Variants in GADL1 observed in about 807,000 individuals in gnomAD.
The protein encoded by GADL1 is GAD like acidic amino acid decarboxylase 1.
In GADL1, 71 loss-of-function variants were observed where a neutral mutation model predicts 69.5. The observed-to-expected ratio is 1.02, with a 90% CI of 0.84 to 1.25. The LOEUF (loss-of-function observed/expected upper bound fraction) is 1.25, where lower values mean the gene tolerates loss of function less well. GADL1 is among the 50% of genes most tolerant of loss of function. The probability of loss-of-function intolerance (pLI) is 0.00; values close to 1 mark genes in which losing one functional copy is unlikely to be tolerated. For missense variants in GADL1, 737 were observed against 631.8 expected (o/e 1.17, Z -1.79); for synonymous variants, 254 against 214.4 (o/e 1.18, Z -1.62).
intron 1 of GADL1, among the ~76,000 whole-genome samples, chr3:30,890,546 G>A (rs756324302): frequency 4.6e-5 from 7 of 152,100 alleles, no homozygotes; most frequent in Admixed American, 1.3e-4. Context: ...TCTGAAAATC[G>A]CCTCCCTATG....
chr3:30,778,759 G>A (rs1696593968), intron 13 of GADL1: 1 of 152,802 alleles, frequency 6.5e-6, no homozygotes, highest in African/African-American at 2.4e-5. Flanking sequence ...TCACTAACCA[G>A]CACTACTATG....
chr3:30,752,630 G>A (rs1695853646), intron 14 of GADL1, among the ~76,000 whole-genome samples: 1 of 152,024 alleles, frequency 6.6e-6, no homozygotes, highest in South Asian at 2.1e-4. Flanking sequence ...CTTAAATATC[G>A]TTACAAGAAA....
At chr3:30,769,373 C>T (rs1016157000) in intron 14 of GADL1, among the ~76,000 whole-genome samples, 6 of 152,172 alleles carry the variant, frequency 3.9e-5, no homozygotes, top group Admixed American at 6.5e-5. Context: ...ATGTCTGGAA[C>T]GTATGCACAC....
chr3:30,759,001 C>A (rs1382104772), intron 14 of GADL1, among the ~76,000 whole-genome samples: 1 of 142,648 alleles, frequency 7.0e-6, no homozygotes, highest in Non-Finnish European at 1.5e-5. Flanking sequence ...TAAAGTGAGC[C>A]AGCCAGACAT....
chr3:30,732,219 T>C (rs1329199027), intron 14 of GADL1, among the ~76,000 whole-genome samples: 1 of 152,088 alleles, frequency 6.6e-6, no homozygotes, highest in East Asian at 1.9e-4. Flanking sequence ...GGAAGGAAAA[T>C]ATGCATGAAC....
chr3:30,806,031 A>G (rs1697248758), intron 11 of GADL1, among the ~76,000 whole-genome samples: 2 of 151,884 alleles, frequency 1.3e-5, no homozygotes, highest in Non-Finnish European at 1.5e-5. Context: ...CCCGGTTCCT[A>G]ACAGGCCATG....
intron 1 of GADL1, among the ~76,000 whole-genome samples, chr3:30,883,467 G>A (rs1698668232): frequency 6.6e-6 from 1 of 151,874 alleles, no homozygotes; most frequent in Non-Finnish European, 1.5e-5. Context: ...TATATGTGAG[G>A]GGTTATTTCT....
chr3:30,827,553 T>C (rs953145589), intron 11 of GADL1, among the ~76,000 whole-genome samples: 4 of 151,896 alleles, frequency 2.6e-5, no homozygotes, highest in Non-Finnish European at 5.9e-5. Flanking sequence ...GAGAAATAGA[T>C]AATGGATTCT....
intron 1 of GADL1, among the ~76,000 whole-genome samples, chr3:30,868,410 A>G (rs1698434107): frequency 6.6e-6 from 1 of 152,050 alleles, no homozygotes; most frequent in South Asian, 2.1e-4. Context: ...TTTCATTAAT[A>G]AAGCTTTTAT....
At chr3:30,795,182 T>C (rs961157054) in intron 12 of GADL1, among the ~76,000 whole-genome samples, 14 of 152,152 alleles carry the variant, frequency 9.2e-5, no homozygotes, top group African/African-American at 3.4e-4. Flanking sequence ...CTTCCAACCA[T>C]GGGTGAAATG....
rs1698014694 is a variant in GADL1 at position 30,844,132 on chromosome 3, T to C, written c.786+78A>G. 2.8e-6 allele frequency: 3 copies of C among 1,063,428 alleles called. No homozygotes were observed. In the East Asian group the frequency reaches 7.2e-5, roughly 25 times the overall value. 65.9% of individuals were successfully genotyped at this position (1,063,428 alleles called of 1,614,324 possible). A position where few individuals can be genotyped will look rare whatever the true frequency, so the allele number is the denominator to read the frequency against. On this transcript the variant is annotated intron_variant, in intron 8 of 14. Coordinates refer to ENST00000282538, the MANE Select transcript of GADL1 (RefSeq NM_207359.3). ...GGCTGTTTGCATTCTCTCCTTGCTA[T>C]TCCCTCTCTTTCATAAGCGCGCGGG...
intron 11 of GADL1, among the ~76,000 whole-genome samples, chr3:30,819,960 TAATTA>T (rs569222178): frequency 1.6e-4 from 25 of 152,202 alleles, no homozygotes; most frequent in Middle Eastern, 3.5e-3. Context: ...AAGAGTTTTA[TAATTA>T]AATTTCCTGA....
intron 5 of GADL1, 140 bp downstream of exon 5, chr3:30,850,695 G>A: frequency 3.3e-6 from 2 of 610,220 alleles, no homozygotes; most frequent in Non-Finnish European, 5.9e-6. Context: ...CTGGAGAAAG[G>A]CATAAGCTAG....
chr3:30,788,376 T>C (rs113157715), intron 12 of GADL1, among the ~76,000 whole-genome samples: 1 of 152,320 alleles, frequency 6.6e-6, no homozygotes, highest in Non-Finnish European at 1.5e-5. Context: ...AATGGCATTA[T>C]GTCTAAAACA....
intron 13 of GADL1, among the ~76,000 whole-genome samples, chr3:30,784,228 C>T (rs1190124723): frequency 6.6e-6 from 1 of 152,096 alleles, no homozygotes. Flanking sequence ...TCAAAACTCC[C>T]CAACTGTTAC....
At chr3:30,768,614 T>G (rs1423195735) in intron 14 of GADL1, among the ~76,000 whole-genome samples, 2 of 150,916 alleles carry the variant, frequency 1.3e-5, no homozygotes. Flanking sequence ...AGACTGGAGG[T>G]GCAAAGACCT....
At chr3:30,863,027 T>TCTCACACA (rs1553603176) in intron 1 of GADL1, among the ~76,000 whole-genome samples, 5 of 110,218 alleles carry the variant, frequency 4.5e-5, no homozygotes, top group South Asian at 3.0e-4. Flanking sequence ...CATGTCTGTT[T>TCTCACACA]CACACACACA....
chr3:30,747,612 G>A (rs1347154524), intron 14 of GADL1, among the ~76,000 whole-genome samples: 3 of 150,898 alleles, frequency 2.0e-5, no homozygotes, highest in African/African-American at 7.3e-5. Context: ...TTTTTAGTTT[G>A]TTTGTTTGTT....
chr3:30,839,136 C>A lies in GADL1; in HGVS notation c.787-23G>T, dbSNP rs748660400. 5 of 1,395,756 alleles carry A rather than the reference C, an allele frequency of 3.6e-6. No homozygotes were observed. The African/African-American group carries it at 5.9e-5, about 17-fold the overall frequency. The allele number at this position is 1,395,756 out of a possible 1,614,324, so 86.5% of individuals were successfully genotyped here. On this transcript the variant is annotated intron_variant, in intron 8 of 14. Coordinates refer to ENST00000282538, the MANE Select transcript of GADL1 (RefSeq NM_207359.3). ...CCCCTGTAAGAAGGATCCACACACA[C>A]AAAATTATCACTGTCATCACTAAAT...
Sources: allele counts gnomAD v4.1 joint callset (sites outside exome capture counted in the v4.1 genomes callset), GRCh38; gene constraint gnomAD v4.1.1; transcripts MANE v1.5; gene names NCBI Gene and HGNC (gene_info 2026-07-23, HGNC 2026-07-21).